DSCAML1: variants seen among roughly 807,000 people sequenced by gnomAD.
The protein encoded by DSCAML1 is DS cell adhesion molecule like 1, also known as cell adhesion molecule DSCAML1.
In DSCAML1, 38 loss-of-function variants were observed where a neutral mutation model predicts 200.5. The observed-to-expected ratio is 0.19, with a 90% CI of 0.15 to 0.25. The LOEUF is 0.25. DSCAML1 is among the 10% of genes least tolerant of loss of function. DSCAML1 has a pLI of 1.00. For synonymous variants in DSCAML1, 1,215 were observed against 1,165.0 expected, an observed-to-expected ratio of 1.04 and a Z score of -0.87; for missense variants, 2,223 against 2,858.8, an observed-to-expected ratio of 0.78 and a Z score of 5.07.
chr11:117,719,354 G>A (rs1185655617), intron 3 of DSCAML1, among the ~76,000 whole-genome samples: 2 of 152,240 alleles, frequency 1.3e-5, no homozygotes, highest in Non-Finnish European at 2.9e-5. Flanking sequence ...TGAGGCAGGA[G>A]AATCACTTGA....
intron 30 of DSCAML1, 29 bp from the exon 31 acceptor site, chr11:117,431,757 C>T: frequency 6.7e-7 from 1 of 1,503,392 alleles, no homozygotes; most frequent in Non-Finnish European, 8.9e-7. Flanking sequence ...GAAATTGCAT[C>T]CTCCAACCAA....
chr11:117,556,485 A>G (rs1228568943), intron 3 of DSCAML1, among the ~76,000 whole-genome samples: 1 of 151,876 alleles, frequency 6.6e-6, no homozygotes, highest in African/African-American at 2.4e-5. Context: ...ACAGGTGTCA[A>G]TCTAAATCTT....
chr11:117,521,421 GA>G lies in DSCAML1; in HGVS notation c.938-17del, dbSNP rs2049885231. ...TGAAGGGGATCTGGGCCGGGCCAGG[GA>G]GACGTGAGGGGAAATGGGAGGGAGG... is the stretch of plus-strand genomic sequence containing the variant. On this transcript the variant is annotated splice_polypyrimidine_tract_variant and intron_variant, in intron 5 of 32. Coordinates refer to ENST00000651296, the MANE Select transcript of DSCAML1 (RefSeq NM_020693.4). 6 of 1,607,076 alleles carry G rather than the reference GA, an allele frequency of 3.7e-6. No homozygotes were observed. The highest frequency in any genetic ancestry group is 5.1e-6 in the Non-Finnish European group (6 of 1,174,600).
chr11:117,766,986 T>C (rs1427177620), intron 3 of DSCAML1, among the ~76,000 whole-genome samples: 4 of 152,146 alleles, frequency 2.6e-5, no homozygotes, highest in Non-Finnish European at 4.4e-5. Context: ...TACCCCTCCC[T>C]GGCTGTGTGA....
At chr11:117,688,597 C>G (rs1170702134) in intron 3 of DSCAML1, among the ~76,000 whole-genome samples, 3 of 152,136 alleles carry the variant, frequency 2.0e-5, no homozygotes, top group Non-Finnish European at 4.4e-5. Flanking sequence ...TTGGGCTGGG[C>G]TCCACCAAGG....
chr11:117,443,000 C>T (rs947143564), intron 21 of DSCAML1, among the ~76,000 whole-genome samples: 2 of 152,196 alleles, frequency 1.3e-5, no homozygotes, highest in African/African-American at 4.8e-5. Context: ...TCTGAGCCCG[C>T]GGCAGGGTAG....
In DSCAML1 at chr11:117,467,198, C is replaced by CCA. The variant is rs1170124231; in HGVS notation, c.3025-2017_3025-2016insTG. 1.5e-5 allele frequency among the ~76,000 whole-genome samples: 2 copies of CCA among 132,570 alleles called. 1 individual carries two copies. The highest frequency in any genetic ancestry group is 6.2e-5 in the African/African-American group (2 of 32,178). The allele number at this position is 132,570 out of a possible 152,430, so 87.0% of individuals were successfully genotyped here. A position where few individuals can be genotyped will look rare whatever the true frequency, so the allele number is the denominator to read the frequency against. The stretch of plus-strand genomic sequence containing the variant: ...ACGCATGCGCGTGCACACACACCTC[C>CCA]CCCCTCCCCCCGCCGCCAATATATC... On this transcript the variant is annotated intron_variant, in intron 16 of 32. Transcript: ENST00000651296.
At chr11:117,713,574 T>C (rs2053892169) in intron 3 of DSCAML1, among the ~76,000 whole-genome samples, 1 of 152,110 alleles carries the variant, frequency 6.6e-6, no homozygotes, top group African/African-American at 2.4e-5. Context: ...ACCGTCCCCC[T>C]CCCAGAGCCA....
chr11:117,474,945 TG>T (rs1050937873), intron 14 of DSCAML1, among the ~76,000 whole-genome samples: 63 of 152,084 alleles, frequency 4.1e-4, no homozygotes, highest in Non-Finnish European at 6.6e-4. Flanking sequence ...TTAGTAGAGA[TG>T]GGGTTTCACC....
chr11:117,478,571 C>T (rs985344884), intron 14 of DSCAML1, among the ~76,000 whole-genome samples: 3 of 152,218 alleles, frequency 2.0e-5, no homozygotes, highest in Non-Finnish European at 2.9e-5. Flanking sequence ...AAGTCTCCCC[C>T]GGGAGCTCAG....
chr11:117,536,949 T>C (rs1326333910), intron 3 of DSCAML1, among the ~76,000 whole-genome samples: 4 of 152,240 alleles, frequency 2.6e-5, no homozygotes, highest in African/African-American at 9.6e-5. Context: ...TTACGTACAT[T>C]ATCTCATTTA....
chr11:117,601,527 G>T (rs934152170), intron 3 of DSCAML1, among the ~76,000 whole-genome samples: 2 of 152,214 alleles, frequency 1.3e-5, no homozygotes, highest in East Asian at 3.8e-4. Flanking sequence ...TCCTGTATTT[G>T]CCAGGATCTG....
At chr11:117,748,485 C>T (rs1250715597) in intron 3 of DSCAML1, among the ~76,000 whole-genome samples, 4 of 152,346 alleles carry the variant, frequency 2.6e-5, no homozygotes, top group African/African-American at 9.6e-5. Context: ...TTCAGCCACA[C>T]AGCCCAGTTC....
intron 3 of DSCAML1, among the ~76,000 whole-genome samples, chr11:117,615,080 T>A (rs1019846278): frequency 6.6e-6 from 1 of 152,172 alleles, no homozygotes; most frequent in African/African-American, 2.4e-5. Context: ...GGACCACATG[T>A]CCTTCTAAAA....
At chr11:117,685,466 A>G (rs1255030044) in intron 3 of DSCAML1, among the ~76,000 whole-genome samples, 1 of 152,188 alleles carries the variant, frequency 6.6e-6, no homozygotes, top group Non-Finnish European at 1.5e-5. Flanking sequence ...GGGCATGCAC[A>G]GTTGGGCCCA....
chr11:117,628,921 C>A (rs2052111572), intron 3 of DSCAML1, among the ~76,000 whole-genome samples: 1 of 152,132 alleles, frequency 6.6e-6, no homozygotes, highest in Non-Finnish European at 1.5e-5. Context: ...GGCTGCCTGG[C>A]TCCTAGTTCA....
intron 1 of DSCAML1, among the ~76,000 whole-genome samples, chr11:117,790,844 A>G (rs888098372): frequency 2.6e-5 from 4 of 152,198 alleles, no homozygotes; most frequent in Non-Finnish European, 4.4e-5. Flanking sequence ...GTCCATGGAT[A>G]ATGTTCTTTC....
chr11:117,643,653 C>T (rs746795977), intron 3 of DSCAML1, among the ~76,000 whole-genome samples: 4 of 152,130 alleles, frequency 2.6e-5, no homozygotes, highest in Admixed American at 2.0e-4. Context: ...CTGAGCCTCA[C>T]GCACCAGCCC....
intron 3 of DSCAML1, among the ~76,000 whole-genome samples, chr11:117,640,438 G>A (rs759051205): frequency 2.0e-5 from 3 of 152,108 alleles, no homozygotes; most frequent in Admixed American, 2.0e-4. Context: ...AAGTTTATTC[G>A]GATGACTTGT....
Sources: gnomAD v4.1 joint callset for allele counts (sites outside exome capture counted in the v4.1 genomes callset) on GRCh38, gnomAD v4.1.1 for gene constraint, MANE v1.5 for transcripts, NCBI Gene and HGNC (gene_info 2026-07-23, HGNC 2026-07-21) for gene names.